GPC5: variants seen among roughly 807,000 people sequenced by gnomAD.
The protein encoded by GPC5 is glypican 5.
GPC5 carries 47 observed loss-of-function variants against 53.9 expected under a neutral mutation model. That is an observed-to-expected ratio of 0.87 (90% CI 0.69 to 1.11). GPC5 has a LOEUF of 1.11. GPC5 is among the 50% of genes most tolerant of loss of function. GPC5 has a pLI of 0.00. For missense variants in GPC5, 748 were observed against 713.1 expected (o/e 1.05, Z -0.56); for synonymous variants, 286 against 263.3 (o/e 1.09, Z -0.84).
intron 7 of GPC5, among the ~76,000 whole-genome samples, chr13:92,156,625 T>C (rs887366074): frequency 5.9e-5 from 9 of 152,164 alleles, no homozygotes; most frequent in Non-Finnish European, 1.2e-4. Flanking sequence ...ATAAATGGTA[T>C]CCATGTGATT....
intron 7 of GPC5, among the ~76,000 whole-genome samples, chr13:92,289,398 GATTTA>G (rs1039738470): frequency 4.0e-5 from 6 of 151,438 alleles, no homozygotes; most frequent in African/African-American, 9.7e-5. Context: ...GTATATCAAA[GATTTA>G]ATTTATTTTC....
chr13:91,928,649 A>AG (rs1288200000), intron 6 of GPC5, among the ~76,000 whole-genome samples: 1 of 152,200 alleles, frequency 6.6e-6, no homozygotes, highest in Non-Finnish European at 1.5e-5. Context: ...AATATCAGGA[A>AG]GGAAACCTCT....
chr13:92,278,153 T>A (rs138212495), intron 7 of GPC5, among the ~76,000 whole-genome samples: 3 of 151,988 alleles, frequency 2.0e-5, no homozygotes, highest in Admixed American at 6.6e-5. Context: ...TACTTAACAT[T>A]AGTATAAAGA....
At chr13:92,377,837 G>A (rs1244633635) in intron 7 of GPC5, among the ~76,000 whole-genome samples, 1 of 152,080 alleles carries the variant, frequency 6.6e-6, no homozygotes, top group East Asian at 1.9e-4. Context: ...CATAATAATT[G>A]TATGTGAATA....
Position 92,223,548 on chromosome 13 carries a change from G to T in GPC5, c.1561+78559G>T, listed in dbSNP as rs536934441. Among the ~76,000 whole-genome samples the T allele has an allele frequency of 5.9e-5, 9 of 151,638 alleles. No homozygotes were observed. The East Asian group carries it at 1.2e-3, about 20-fold the overall frequency. ...GCAAAAATACAACTTCTACAATTGG[G>T]TTATATTTCTTATGATAGAAAGTAT... On this transcript the variant is annotated intron_variant, in intron 7 of 7. Transcript: ENST00000377067.
At chr13:92,067,152 A>G (rs2041173967) in intron 6 of GPC5, among the ~76,000 whole-genome samples, 1 of 152,090 alleles carries the variant, frequency 6.6e-6, no homozygotes, top group Non-Finnish European at 1.5e-5. Context: ...AAGTTTATGT[A>G]GCTGGTTAAA....
chr13:92,703,400 A>G (rs1370096587), intron 7 of GPC5, among the ~76,000 whole-genome samples: 1 of 151,596 alleles, frequency 6.6e-6, no homozygotes, highest in African/African-American at 2.4e-5. Flanking sequence ...TTATATAAGT[A>G]CTTTATTTAG....
intron 5 of GPC5, among the ~76,000 whole-genome samples, chr13:91,893,051 C>T (rs185618092): frequency 9.9e-5 from 15 of 151,896 alleles, no homozygotes; most frequent in South Asian, 2.1e-4. Context: ...AAGATATTTG[C>T]GTGGACATTT....
chr13:92,582,085 T>C (rs1452640525), intron 7 of GPC5, among the ~76,000 whole-genome samples: 1 of 152,108 alleles, frequency 6.6e-6, no homozygotes, highest in African/African-American at 2.4e-5. Flanking sequence ...TTTTGCTTTG[T>C]ACTTTTGAGG....
At chr13:92,147,188 A>G (rs939778678) in intron 7 of GPC5, among the ~76,000 whole-genome samples, 1 of 152,006 alleles carries the variant, frequency 6.6e-6, no homozygotes, top group Non-Finnish European at 1.5e-5. Context: ...GGTTTTCACT[A>G]GAAACAATTT....
chr13:92,045,367 A>G (rs1435452837), intron 6 of GPC5, among the ~76,000 whole-genome samples: 1 of 152,232 alleles, frequency 6.6e-6, no homozygotes, highest in Non-Finnish European at 1.5e-5. Flanking sequence ...AATAGATGTC[A>G]GACTCATTAT....
chr13:91,970,364 TG>T (rs2082737901), intron 6 of GPC5, among the ~76,000 whole-genome samples: 1 of 152,142 alleles, frequency 6.6e-6, no homozygotes. Flanking sequence ...GGAGATCTAA[TG>T]TACAATGTCA....
intron 7 of GPC5, among the ~76,000 whole-genome samples, chr13:92,294,971 G>A (rs2043024581): frequency 6.6e-6 from 1 of 151,764 alleles, no homozygotes; most frequent in Non-Finnish European, 1.5e-5. Context: ...TGGTATTACA[G>A]GTGCTTGCCA....
chr13:92,004,470 ATATATATATATATATATAT>A (rs2040587215), intron 6 of GPC5, among the ~76,000 whole-genome samples: 3 of 130,956 alleles, frequency 2.3e-5, no homozygotes, highest in African/African-American at 9.2e-5. Context: ...ATATATATAT[ATATATATATATATATATAT>A]AATTACACTA....
rs186835257 is a variant in GPC5, at chr13:92,559,819, C to A, written c.1562-306463C>A. ...TATCTCATGTCTGCTGCCTACAGGG[C>A]CTGTGAGCACAATAACGTTTGTTTC... On this transcript the variant is annotated intron_variant, in intron 7 of 7. Coordinates refer to ENST00000377067, the MANE Select transcript of GPC5 (RefSeq NM_004466.6). Among the ~76,000 whole-genome samples, 368 of 151,528 alleles carry A rather than the reference C, an allele frequency of 2.4e-3. 3 individuals are homozygous for A. The highest frequency in any genetic ancestry group is 8.3e-3 in the African/African-American group (345 of 41,368).
intron 7 of GPC5, among the ~76,000 whole-genome samples, chr13:92,750,134 A>G (rs1289632583): frequency 6.6e-6 from 1 of 152,144 alleles, no homozygotes; most frequent in Non-Finnish European, 1.5e-5. Context: ...ATTTTTGAAT[A>G]TTTAATATTT....
chr13:92,206,136 T>C lies in GPC5; in HGVS notation c.1561+61147T>C, dbSNP rs1223620531. 2.0e-5 allele frequency among the ~76,000 whole-genome samples: 3 copies of C among 148,860 alleles called. No individual in the cohort carries two copies. The East Asian group carries it at 5.8e-4, about 29-fold the overall frequency. On this transcript the variant is annotated intron_variant, in intron 7 of 7. Transcript: ENST00000377067. ...GTTGTTGTTATTGTTGTTGTTGTTA[T>C]CGTTGTTGTGTTTTTTTTATTTTTT... is the stretch of plus-strand genomic sequence containing the variant.
At chr13:91,951,527 TG>T (rs199600803) in intron 6 of GPC5, among the ~76,000 whole-genome samples, 1,636 of 152,278 alleles carry the variant, frequency 0.011, 18 homozygotes, top group African/African-American at 0.025. Flanking sequence ...TCAGCATTGC[TG>T]AAAGTTGTGT....
chr13:92,640,058 C>G (rs1472147635), intron 7 of GPC5, among the ~76,000 whole-genome samples: 1 of 151,364 alleles, frequency 6.6e-6, no homozygotes, highest in African/African-American at 2.4e-5. Flanking sequence ...TCAAATGTAG[C>G]TAAGCAAAGA....
Sources: gnomAD v4.1 joint callset for allele counts (sites outside exome capture counted in the v4.1 genomes callset) on GRCh38, gnomAD v4.1.1 for gene constraint, MANE v1.5 for transcripts, NCBI Gene and HGNC (gene_info 2026-07-23, HGNC 2026-07-21) for gene names.